The following ZNF451 variants were observed in gnomAD, a reference collection of about 807,000 sequenced individuals.
ZNF451 encodes zinc finger protein 451.
ZNF451 carries 80 observed loss-of-function variants against 107.1 expected under a neutral mutation model. That is an observed-to-expected ratio of 0.75 (90% CI 0.62 to 0.90). The LOEUF (loss-of-function observed/expected upper bound fraction) is 0.90. Ranked by LOEUF, ZNF451 falls within the 40% of genes least tolerant of loss-of-function variation. The pLI is 0.00. For synonymous variants in ZNF451, 362 were observed against 406.5 expected, an observed-to-expected ratio of 0.89 and a Z score of 1.32; for missense variants, 1,107 against 1,236.2, an observed-to-expected ratio of 0.90 and a Z score of 1.57.
At chr6:57,119,247 C>T (rs903316755) in intron 3 of ZNF451, among the ~76,000 whole-genome samples, 7 of 152,152 alleles carry the variant, frequency 4.6e-5, no homozygotes, top group Non-Finnish European at 7.3e-5. Context: ...CAGGGAAGGC[C>T]GGGGCGTGGT....
At chr6:57,096,629 G>A (rs1331375258) in intron 2 of ZNF451, among the ~76,000 whole-genome samples, 6 of 151,630 alleles carry the variant, frequency 4.0e-5, no homozygotes, top group African/African-American at 1.5e-4. Context: ...GGGCGCTTTT[G>A]TGTTCTGCTA....
At chr6:57,101,778 CTA>C in intron 3 of ZNF451, 1 of 1,550,550 alleles carries the variant, frequency 6.4e-7, no homozygotes, top group Non-Finnish European at 8.7e-7. Context: ...TGGCCATAGA[CTA>C]TAGACGGCAG....
At chr6:57,102,546 C>A (rs1829657781) in intron 3 of ZNF451, 1 of 988,048 alleles carries the variant, frequency 1.0e-6, no homozygotes, top group African/African-American at 1.7e-5. Flanking sequence ...ATCAGTGCTT[C>A]CTTGTTCAGG....
At chr6:57,102,949 A>G in intron 3 of ZNF451, 1 of 985,458 alleles carries the variant, frequency 1.0e-6, no homozygotes, top group Non-Finnish European at 1.2e-6. Flanking sequence ...TCAAGCTGTA[A>G]GACTGAGTCA....
At chr6:57,124,139 G>A (rs1361780044) in intron 3 of ZNF451, among the ~76,000 whole-genome samples, 2 of 152,106 alleles carry the variant, frequency 1.3e-5, no homozygotes, top group East Asian at 3.9e-4. Flanking sequence ...TAGGTTTTTT[G>A]TAGATGATCT....
intron 7 of ZNF451, among the ~76,000 whole-genome samples, chr6:57,136,656 C>T (rs983796267): frequency 2.0e-5 from 3 of 152,116 alleles, no homozygotes; most frequent in Admixed American, 2.0e-4. Flanking sequence ...TCTGCATTTT[C>T]CAGAATTAGA....
intron 3 of ZNF451, chr6:57,115,663 A>T (rs1264091684): frequency 6.6e-6 from 1 of 152,216 alleles, no homozygotes; most frequent in Non-Finnish European, 1.5e-5. Context: ...CTGGCTTTAC[A>T]TCCTCCTTAA....
At chr6:57,128,882 A>G in intron 5 of ZNF451, 42 bp downstream of exon 5, 2 of 1,442,822 alleles carry the variant, frequency 1.4e-6, no homozygotes, top group Non-Finnish European at 1.9e-6. Context: ...AGCTTCCCCA[A>G]AGCCTTAAGG....
At chr6:57,131,161 T>C (rs1831160044) in intron 5 of ZNF451, among the ~76,000 whole-genome samples, 1 of 152,202 alleles carries the variant, frequency 6.6e-6, no homozygotes, top group Non-Finnish European at 1.5e-5. Context: ...ATTCAGTTCT[T>C]TCATTAGAAG....
Position 57,154,053 on chromosome 6 carries a change from C to G in ZNF451, c.3070+6C>G. ...CATATCTGATACCACCAAAGGTACGCAGCTGCAGTCACAGTGCAAACCACC... is the reference window on the plus strand; with the variant it reads ...CATATCTGATACCACCAAAGGTACGGAGCTGCAGTCACAGTGCAAACCACC... On this transcript the variant is annotated splice_donor_region_variant and intron_variant, in intron 13 of 14. Transcript: ENST00000370706. 1 of 1,613,982 alleles carries G rather than the reference C, an allele frequency of 6.2e-7. No individual in the cohort carries two copies. The highest frequency in any genetic ancestry group is 8.5e-7 in the Non-Finnish European group (1 of 1,180,034).
intron 12 of ZNF451, 83 bp downstream of exon 12, chr6:57,152,434 T>C (rs1391990536): frequency 6.7e-7 from 1 of 1,496,876 alleles, no homozygotes; most frequent in Non-Finnish European, 9.2e-7. Flanking sequence ...TAATGAGACT[T>C]ATAGATCATT....
chr6:57,127,420 A>T (rs2127961995), intron 4 of ZNF451, among the ~76,000 whole-genome samples: 1 of 152,328 alleles, frequency 6.6e-6, no homozygotes, highest in East Asian at 1.9e-4. Context: ...GAACAATGTT[A>T]TGTAGATTTT....
At chr6:57,118,343 C>G (rs1830469762) in intron 3 of ZNF451, among the ~76,000 whole-genome samples, 1 of 152,050 alleles carries the variant, frequency 6.6e-6, no homozygotes, top group Admixed American at 6.6e-5. Context: ...AAAGTATTAT[C>G]TCTGTTGAGA....
intron 14 of ZNF451, 125 bp downstream of exon 14, chr6:57,161,277 G>T: frequency 1.9e-6 from 1 of 531,150 alleles, no homozygotes; most frequent in Non-Finnish European, 3.2e-6. Context: ...CATTTTCTCA[G>T]TTTGGATAGC....
At chr6:57,104,285 A>G (rs1829743891) in intron 3 of ZNF451, 1 of 985,178 alleles carries the variant, frequency 1.0e-6, no homozygotes, top group Admixed American at 6.2e-5. Context: ...TGTGCTCTTG[A>G]TATTGGCACT....
chr6:57,159,439 C>CTGTGGCCCACGGGCCACA (rs529422856), intron 13 of ZNF451: 3 of 978,030 alleles, frequency 3.1e-6, no homozygotes, highest in Admixed American at 6.2e-5. Flanking sequence ...CTTGTCTAAC[C>CTGTGGCCCACGGGCCACA]TGTGGCCCAC....
Position 57,133,222 on chromosome 6 carries a change from T to C in ZNF451, c.575+30T>C, listed in dbSNP as rs1023852852. ...GTAGGATATTCATAATAGTGAATGC[T>C]GAAGATCTAGTGAGCTACCAAGTGA... On this transcript the variant is annotated intron_variant, in intron 6 of 14. Transcript: ENST00000370706. The C allele has an allele frequency of 3.8e-6, 6 of 1,595,410 alleles. No homozygotes were observed. The African/African-American group carries it at 8.0e-5, about 21-fold the overall frequency.
At chr6:57,102,480 A>G in intron 3 of ZNF451, 1 of 994,892 alleles carries the variant, frequency 1.0e-6, no homozygotes, top group Non-Finnish European at 1.2e-6. Flanking sequence ...TGAATCTAGA[A>G]ATAATACTAG....
intron 14 of ZNF451, among the ~76,000 whole-genome samples, 172 bp downstream of exon 14, chr6:57,161,324 C>T (rs542517500): frequency 1.3e-5 from 2 of 151,966 alleles, no homozygotes; most frequent in African/African-American, 4.8e-5. Flanking sequence ...AGGGGTAATA[C>T]TAATTTAGAA....
Sources: gnomAD v4.1 joint callset for allele counts (sites outside exome capture counted in the v4.1 genomes callset) on GRCh38, gnomAD v4.1.1 for gene constraint, MANE v1.5 for transcripts, NCBI Gene and HGNC (gene_info 2026-07-23, HGNC 2026-07-21) for gene names.